The following PDE4D variants were observed in gnomAD, a reference collection of about 807,000 sequenced individuals.
PDE4D encodes phosphodiesterase 4D.
Under a neutral mutation model 87.4 loss-of-function variants are expected in PDE4D, and 24 were observed. The observed-to-expected ratio is 0.27, with a 90% CI of 0.20 to 0.39. The LOEUF (loss-of-function observed/expected upper bound fraction) is 0.39, where lower values mean the gene tolerates loss of function less well. Ranked by LOEUF, PDE4D falls within the 10% of genes least tolerant of loss-of-function variation. PDE4D has a pLI of 1.00. For missense variants in PDE4D, 714 were observed against 1,041.0 expected (o/e 0.69, Z 4.32); for synonymous variants, 384 against 383.2 (o/e 1.00, Z -0.02).
chr5:59,022,443 C>T (rs1755368411), intron 6 of PDE4D, among the ~76,000 whole-genome samples: 1 of 152,110 alleles, frequency 6.6e-6, no homozygotes, highest in South Asian at 2.1e-4. Context: ...TGCCACTTTG[C>T]CCCCACTAAG....
chr5:60,458,225 A>C (rs765490145), intron 1 of PDE4D, among the ~76,000 whole-genome samples: 71 of 151,960 alleles, frequency 4.7e-4, no homozygotes, highest in Non-Finnish European at 5.1e-4. Flanking sequence ...TCTCTACTAA[A>C]AGTACAAAAA....
At chr5:59,700,710 G>A (rs1339588901) in intron 1 of PDE4D, among the ~76,000 whole-genome samples, 1 of 152,048 alleles carries the variant, frequency 6.6e-6, no homozygotes, top group Non-Finnish European at 1.5e-5. Flanking sequence ...CACCTTCTTT[G>A]GTCTTATTTA....
At chr5:59,693,030 A>G (rs1451647091) in intron 1 of PDE4D, among the ~76,000 whole-genome samples, 4 of 152,118 alleles carry the variant, frequency 2.6e-5, no homozygotes, top group Admixed American at 6.6e-5. Flanking sequence ...ATTTGTGCAC[A>G]TTAATTATAA....
rs551587451 is a variant in PDE4D at position 59,980,762 on chromosome 5, T to C, written c.272+7726A>G. Among the ~76,000 whole-genome samples the C allele has an allele frequency of 2.0e-5, 3 of 152,304 alleles. No individual in the cohort carries two copies. The South Asian group carries it at 6.2e-4, about 32-fold the overall frequency. On this transcript the variant is annotated intron_variant, in intron 3 of 16. Transcript: ENST00000502484. The stretch of plus-strand genomic sequence containing the variant: ...GGAGTTTAATCATGATCATATTATT[T>C]TGTAAATTGAAGGCATGGCAGATAT...
intron 6 of PDE4D, among the ~76,000 whole-genome samples, chr5:59,007,393 T>G (rs1036405428): frequency 2.0e-5 from 3 of 152,160 alleles, no homozygotes; most frequent in Non-Finnish European, 4.4e-5. Context: ...CTTGAAGAAT[T>G]CTGAGGCAAA....
chr5:59,586,975 T>C (rs993768516), intron 1 of PDE4D: 3 of 985,442 alleles, frequency 3.0e-6, no homozygotes, highest in Non-Finnish European at 2.4e-6. Flanking sequence ...CTAGAAACCA[T>C]GTATCACCAA....
chr5:59,305,399 C>G (rs1457958402), intron 1 of PDE4D, among the ~76,000 whole-genome samples: 2 of 150,584 alleles, frequency 1.3e-5, no homozygotes, highest in African/African-American at 4.9e-5. Flanking sequence ...GTTTCAATTT[C>G]ATTTAGTTCT....
intron 2 of PDE4D, among the ~76,000 whole-genome samples, chr5:60,043,314 C>T (rs181180810): frequency 1.3e-4 from 20 of 152,100 alleles, no homozygotes; most frequent in East Asian, 5.8e-4. Flanking sequence ...AACAAACTTA[C>T]GTTTGATTGG....
chr5:59,555,020 T>A (rs1416414146), intron 1 of PDE4D, among the ~76,000 whole-genome samples: 1 of 152,158 alleles, frequency 6.6e-6, no homozygotes, highest in Non-Finnish European at 1.5e-5. Flanking sequence ...CAAAGGAATA[T>A]AAATAATTCT....
Position 59,185,171 on chromosome 5 carries a change from G to A in PDE4D, c.758+18C>T. 1.3e-6 allele frequency: 2 copies of A among 1,596,322 alleles called. No homozygotes were observed. Among genetic ancestry groups the A allele is most frequent in the Non-Finnish European group, 1.7e-6 (2 of 1,166,538 alleles). On this transcript the variant is annotated intron_variant, in intron 4 of 14. Transcript: ENST00000340635. ...TAAAAGTTCAGCAAAAAAGAGGGGG[G>A]AAAAAAGGATATCTTACTTGCTAGG...
At chr5:60,350,674 C>A (rs1371366859) in intron 1 of PDE4D, among the ~76,000 whole-genome samples, 1 of 152,112 alleles carries the variant, frequency 6.6e-6, no homozygotes, top group Non-Finnish European at 1.5e-5. Flanking sequence ...ACAGGTGTGG[C>A]CAAATGGCCT....
chr5:60,329,210 C>T (rs1199380566), intron 1 of PDE4D, among the ~76,000 whole-genome samples: 3 of 152,152 alleles, frequency 2.0e-5, no homozygotes, highest in Non-Finnish European at 4.4e-5. Context: ...CCCCATGTGT[C>T]ATGAGAGGGA....
intron 1 of PDE4D, among the ~76,000 whole-genome samples, chr5:59,697,679 C>T (rs549840268): frequency 3.9e-5 from 6 of 152,194 alleles, no homozygotes; most frequent in Non-Finnish European, 7.3e-5. Flanking sequence ...CAAACCTGTT[C>T]AGGATTTTCC....
chr5:59,879,351 T>G (rs200103105), intron 1 of PDE4D, among the ~76,000 whole-genome samples: 1 of 152,210 alleles, frequency 6.6e-6, no homozygotes, highest in Non-Finnish European at 1.5e-5. Flanking sequence ...AGCCCCATCC[T>G]CCACAGCCGG....
intron 1 of PDE4D, among the ~76,000 whole-genome samples, chr5:59,607,486 C>T (rs556615648): frequency 2.0e-5 from 3 of 152,172 alleles, no homozygotes; most frequent in South Asian, 2.1e-4. Context: ...TATTAACTTG[C>T]TCTGGGGTTT....
intron 1 of PDE4D, among the ~76,000 whole-genome samples, chr5:59,566,060 C>A (rs1260287334): frequency 2.6e-5 from 4 of 152,082 alleles, no homozygotes; most frequent in Non-Finnish European, 4.4e-5. Flanking sequence ...ACTACTATAC[C>A]ACCTCTTAGC....
At chr5:60,517,177 C>T (rs77515968) in intron 1 of PDE4D, among the ~76,000 whole-genome samples, 2,079 of 152,344 alleles carry the variant, frequency 0.014, 16 homozygotes, top group Middle Eastern at 0.031. Context: ...GACACACCAG[C>T]CCCCTGTTGC....
At chr5:59,795,390 C>T (rs1424219277) in intron 1 of PDE4D, among the ~76,000 whole-genome samples, 1 of 152,042 alleles carries the variant, frequency 6.6e-6, no homozygotes, top group African/African-American at 2.4e-5. Flanking sequence ...CTGTGGGTTC[C>T]CCGGTGGATC....
At chr5:59,306,497 A>G (rs1771399386) in intron 1 of PDE4D, among the ~76,000 whole-genome samples, 1 of 152,120 alleles carries the variant, frequency 6.6e-6, no homozygotes, top group Non-Finnish European at 1.5e-5. Flanking sequence ...TTTGTTTTAC[A>G]GGTCCTTTGT....
Sources: gnomAD v4.1 joint callset for allele counts (sites outside exome capture counted in the v4.1 genomes callset) on GRCh38, gnomAD v4.1.1 for gene constraint, MANE v1.5 for transcripts, NCBI Gene and HGNC (gene_info 2026-07-23, HGNC 2026-07-21) for gene names.